Variants in CDH18 observed in about 807,000 individuals in gnomAD.
CDH18 encodes cadherin 18, also known as cadherin-18.
A neutral mutation model predicts 67.9 loss-of-function variants in CDH18; 31 were observed. The observed-to-expected ratio is 0.46, with a 90% CI of 0.34 to 0.62. The LOEUF is 0.62. Among genes scored for constraint, CDH18 ranks in the 20% least tolerant of loss-of-function variants. The pLI is 0.01. For missense variants in CDH18, 890 were observed against 975.5 expected, an observed-to-expected ratio of 0.91 and a Z score of 1.17; for synonymous variants, 362 against 347.2, an observed-to-expected ratio of 1.04 and a Z score of -0.48.
chr5:19,522,055 C>T (rs893746067), intron 9 of CDH18, among the ~76,000 whole-genome samples: 1 of 151,948 alleles, frequency 6.6e-6, no homozygotes, highest in East Asian at 1.9e-4. Flanking sequence ...TCAGTTTTGT[C>T]CCAGGAATGT....
chr5:20,266,284 A>G (rs1745025554), intron 1 of CDH18, among the ~76,000 whole-genome samples: 1 of 152,168 alleles, frequency 6.6e-6, no homozygotes, highest in South Asian at 2.1e-4. Flanking sequence ...TGCTTTATGC[A>G]GGAAAATAAC....
In CDH18 at chr5:19,526,313, T is replaced by C. The variant is rs1580004639; in HGVS notation, c.1391-5535A>G. Among the ~76,000 whole-genome samples the C allele has an allele frequency of 2.0e-5, 3 of 152,166 alleles. No homozygotes were observed. The South Asian group carries it at 6.2e-4, about 31-fold the overall frequency. On this transcript the variant is annotated intron_variant, in intron 9 of 12. Transcript: ENST00000382275. Reference sequence around the variant, plus strand: ...CTATATAAAAATCATCTGTGCTTTATGCAACATTAATACAATAGGGACTCA... The same window carrying C: ...CTATATAAAAATCATCTGTGCTTTACGCAACATTAATACAATAGGGACTCA...
At chr5:19,511,002 G>C (rs1014073766) in intron 10 of CDH18, among the ~76,000 whole-genome samples, 7 of 152,034 alleles carry the variant, frequency 4.6e-5, no homozygotes, top group Non-Finnish European at 8.8e-5. Context: ...GAAAGAGATG[G>C]GGTTTTGCCA....
chr5:20,355,070 T>G, intron 1 of CDH18, among the ~76,000 whole-genome samples: 1 of 152,284 alleles, frequency 6.6e-6, no homozygotes, highest in South Asian at 2.1e-4. Flanking sequence ...CTTCCTTATT[T>G]AAGGTGTCAG....
intron 1 of CDH18, among the ~76,000 whole-genome samples, chr5:20,464,875 G>C (rs776708672): frequency 1.3e-4 from 20 of 151,970 alleles, no homozygotes; most frequent in Admixed American, 2.6e-4. Flanking sequence ...AGTTGATGAA[G>C]AACAGAGAAC....
intron 2 of CDH18, among the ~76,000 whole-genome samples, chr5:19,957,041 T>C (rs1288049196): frequency 6.6e-6 from 1 of 151,970 alleles, no homozygotes; most frequent in Non-Finnish European, 1.5e-5. Context: ...GGTAGGTGTT[T>C]GGAATATTCT....
intron 1 of CDH18, among the ~76,000 whole-genome samples, chr5:20,468,939 A>G (rs1186464366): frequency 6.6e-6 from 1 of 152,232 alleles, no homozygotes; most frequent in African/African-American, 2.4e-5. Context: ...TACTGAGCAA[A>G]GAATTCACAA....
At chr5:19,784,257 T>C (rs1401517540) in intron 3 of CDH18, among the ~76,000 whole-genome samples, 3 of 152,148 alleles carry the variant, frequency 2.0e-5, no homozygotes. Flanking sequence ...TCAAAACTTG[T>C]AGAACAGATG....
intron 2 of CDH18, among the ~76,000 whole-genome samples, chr5:20,087,585 A>T (rs1745078426): frequency 6.6e-6 from 1 of 152,204 alleles, no homozygotes; most frequent in Admixed American, 6.5e-5. Flanking sequence ...AGCAGCCATT[A>T]GCAACAAGGC....
intron 5 of CDH18, among the ~76,000 whole-genome samples, chr5:19,667,507 T>TACACAC (rs35326145): frequency 1.7e-4 from 22 of 129,252 alleles, no homozygotes; most frequent in Middle Eastern, 4.0e-3. Flanking sequence ...TATATATATA[T>TACACAC]ACACACACAC....
At chr5:20,313,773 A>G (rs1163554899) in intron 1 of CDH18, among the ~76,000 whole-genome samples, 1 of 152,042 alleles carries the variant, frequency 6.6e-6, no homozygotes, top group Non-Finnish European at 1.5e-5. Context: ...AAAACTAGAT[A>G]TATGAATTTG....
At chr5:20,541,903 T>A (rs1230220941) in intron 1 of CDH18, among the ~76,000 whole-genome samples, 1 of 152,206 alleles carries the variant, frequency 6.6e-6, no homozygotes, top group Non-Finnish European at 1.5e-5. Flanking sequence ...TAGCTTTACA[T>A]CCCTGACGAG....
chr5:20,430,372 G>A (rs1748642213), intron 1 of CDH18, among the ~76,000 whole-genome samples: 1 of 152,106 alleles, frequency 6.6e-6, no homozygotes, highest in Non-Finnish European at 1.5e-5. Context: ...GTAAACTGAA[G>A]TTAAGATGAG....
At chr5:19,666,614 GT>G (rs1237864970) in intron 5 of CDH18, among the ~76,000 whole-genome samples, 1 of 151,982 alleles carries the variant, frequency 6.6e-6, no homozygotes, top group Non-Finnish European at 1.5e-5. Flanking sequence ...TTTTAAGATA[GT>G]TGTTTTATAA....
At chr5:19,792,720 C>T (rs1230449253) in intron 3 of CDH18, among the ~76,000 whole-genome samples, 2 of 152,042 alleles carry the variant, frequency 1.3e-5, no homozygotes, top group African/African-American at 4.8e-5. Flanking sequence ...ATGATGACAA[C>T]TTTATTTGTT....
chr5:20,566,360 C>CTTTT, intron 1 of CDH18, among the ~76,000 whole-genome samples: 1 of 119,268 alleles, frequency 8.4e-6, no homozygotes, highest in Non-Finnish European at 1.7e-5. Flanking sequence ...TTTTCTTTTT[C>CTTTT]TTTTTTTTTT....
intron 1 of CDH18, chr5:20,304,499 C>T (rs1048234549): frequency 1.3e-6 from 2 of 1,596,764 alleles, no homozygotes; most frequent in South Asian, 1.1e-5. Flanking sequence ...TGGTTTAGTG[C>T]GAAATGGTGA....
upstream of CDH18, among the ~76,000 whole-genome samples, chr5:19,989,690 G>C (rs183013684): frequency 3.1e-3 from 469 of 152,256 alleles, no homozygotes; most frequent in Admixed American, 7.5e-3. Context: ...AAGTTTCTTG[G>C]GTCTGAGAGT....
At chr5:20,420,641 T>C (rs897181609) in intron 1 of CDH18, among the ~76,000 whole-genome samples, 1 of 151,256 alleles carries the variant, frequency 6.6e-6, no homozygotes, top group Non-Finnish European at 1.5e-5. Context: ...TAAGGTCTTT[T>C]GTATTTTGCC....
Sources: gnomAD v4.1 joint callset for allele counts (sites outside exome capture counted in the v4.1 genomes callset) on GRCh38, gnomAD v4.1.1 for gene constraint, MANE v1.5 for transcripts, NCBI Gene and HGNC (gene_info 2026-07-23, HGNC 2026-07-21) for gene names.